Variants in BLTP1 observed in about 807,000 individuals in gnomAD.
BLTP1 encodes bridge-like lipid transfer protein family member 1.
chr4:122,243,752 ATT>A, the BLTP1 span: 4 of 1,323,630 alleles, frequency 3.0e-6, no homozygotes, highest in Admixed American at 3.7e-5. Context: ...ATTCCATAAA[ATT>A]TTTAGTTGTA....
the BLTP1 span, chr4:122,251,105 G>T: frequency 1.0e-6 from 1 of 984,926 alleles, no homozygotes; most frequent in Non-Finnish European, 1.2e-6. Flanking sequence ...AAGAAATGTC[G>T]TGCCACTAAC....
the BLTP1 span, among the ~76,000 whole-genome samples, chr4:122,166,610 GA>G: frequency 6.6e-6 from 1 of 152,140 alleles, no homozygotes; most frequent in Non-Finnish European, 1.5e-5. Context: ...ATTCTGTGAG[GA>G]AAGTCATTGG....
At chr4:122,257,565 C>T in the BLTP1 span, 1 of 1,371,370 alleles carries the variant, frequency 7.3e-7, no homozygotes, top group Non-Finnish European at 1.0e-6. Flanking sequence ...TTACTCAACA[C>T]AATTACTGTA....
At chr4:122,164,440 C>T in the BLTP1 span, 1 of 984,236 alleles carries the variant, frequency 1.0e-6, no homozygotes, top group African/African-American at 1.7e-5. Context: ...CCAGAATCTC[C>T]TTCCACTGAT....
the BLTP1 span, among the ~76,000 whole-genome samples, chr4:122,282,327 T>C: frequency 4.6e-5 from 7 of 152,268 alleles, no homozygotes; most frequent in African/African-American, 1.7e-4. Flanking sequence ...AGCCTAAGAA[T>C]TGGCACATTA....
At chr4:122,183,333 C>CT in the BLTP1 span, 1 of 536,352 alleles carries the variant, frequency 1.9e-6, no homozygotes, top group Non-Finnish European at 2.1e-6. Flanking sequence ...GAGACCCTGT[C>CT]TCAAAAAAAA....
the BLTP1 span, chr4:122,318,390 A>G: frequency 1.3e-6 from 1 of 771,900 alleles, no homozygotes; most frequent in African/African-American, 1.8e-5. Flanking sequence ...TTAAATCCTA[A>G]CAACAAACTT....
chr4:122,282,462 CA>C, the BLTP1 span, among the ~76,000 whole-genome samples: 1 of 151,988 alleles, frequency 6.6e-6, no homozygotes, highest in African/African-American at 2.4e-5. Flanking sequence ...GAAAACATAG[CA>C]AAACCCCATC....
the BLTP1 span, chr4:122,257,398 T>C: frequency 1.2e-6 from 2 of 1,613,970 alleles, no homozygotes; most frequent in East Asian, 2.2e-5. Context: ...CTCAAATAGC[T>C]ATGGACCATG....
the BLTP1 span, among the ~76,000 whole-genome samples, chr4:122,240,994 A>G: frequency 6.6e-6 from 1 of 152,184 alleles, no homozygotes; most frequent in Non-Finnish European, 1.5e-5. Context: ...AGGGAAATGG[A>G]TATGGAGCTT....
the BLTP1 span, among the ~76,000 whole-genome samples, chr4:122,339,741 G>A: frequency 2.0e-5 from 3 of 152,018 alleles, no homozygotes; most frequent in African/African-American, 7.2e-5. Flanking sequence ...TTTATCTTAA[G>A]CTACATTTGA....
At chr4:122,284,688 TGA>T in the BLTP1 span, among the ~76,000 whole-genome samples, 4 of 152,222 alleles carry the variant, frequency 2.6e-5, no homozygotes, top group Non-Finnish European at 5.9e-5. Context: ...TAAGGTATTT[TGA>T]GAGAGACCAT....
At chr4:122,330,383 C>T in the BLTP1 span, among the ~76,000 whole-genome samples, 1 of 151,828 alleles carries the variant, frequency 6.6e-6, no homozygotes, top group Admixed American at 6.6e-5. Flanking sequence ...TCCTTGCCAA[C>T]ACACTTGTTT....
At chr4:122,296,547 TACA>T in the BLTP1 span, among the ~76,000 whole-genome samples, 223 of 152,216 alleles carry the variant, frequency 1.5e-3, no homozygotes, top group Non-Finnish European at 2.2e-3. Context: ...TGGCATTCTT[TACA>T]ACATTAGAAA....
chr4:122,228,829 C>T, the BLTP1 span, among the ~76,000 whole-genome samples: 583 of 152,202 alleles, frequency 3.8e-3, 6 homozygotes, highest in African/African-American at 0.013. Flanking sequence ...CTTTGCTTAT[C>T]CTCTCTAGTT....
At chr4:122,198,878 G>A in the BLTP1 span, among the ~76,000 whole-genome samples, 1 of 152,150 alleles carries the variant, frequency 6.6e-6, no homozygotes, top group Non-Finnish European at 1.5e-5. Context: ...TTCATAGGAA[G>A]AGATTTCTTT....
the BLTP1 span, chr4:122,316,717 CT>C: frequency 6.3e-7 from 1 of 1,599,770 alleles, no homozygotes; most frequent in Non-Finnish European, 8.5e-7. Context: ...GACAGATACA[CT>C]TTTGACTTTT....
At chr4:122,315,665 A>G in the BLTP1 span, 2 of 1,614,086 alleles carry the variant, frequency 1.2e-6, no homozygotes, top group Non-Finnish European at 8.5e-7. Context: ...TGAAGTTGAT[A>G]CTATGTCTCC....
chr4:122,257,104 G>A, the BLTP1 span: 2 of 747,244 alleles, frequency 2.7e-6, no homozygotes, highest in Non-Finnish European at 4.3e-6. Context: ...ACTCTCTTGG[G>A]TAACTTTGAA....
Sources: allele counts gnomAD v4.1 joint callset (sites outside exome capture counted in the v4.1 genomes callset), GRCh38; gene constraint gnomAD v4.1.1; transcripts MANE v1.5; gene names NCBI Gene and HGNC (gene_info 2026-07-23, HGNC 2026-07-21).